CPED1: variants seen among roughly 807,000 people sequenced by gnomAD.
The protein encoded by CPED1 is cadherin like and PC-esterase domain containing 1.
In CPED1, 114 loss-of-function variants were observed where a neutral mutation model predicts 128.2. The observed-to-expected ratio is 0.89, with a 90% CI of 0.76 to 1.04. The LOEUF is 1.04. Ranked by LOEUF, CPED1 falls within the 50% of genes least tolerant of loss-of-function variation. CPED1 has a pLI of 0.00. For synonymous variants in CPED1, 462 were observed against 426.7 expected (o/e 1.08, Z -1.02); for missense variants, 1,211 against 1,207.1 (o/e 1.00, Z -0.05).
chr7:121,172,630 TTGGG>T (rs1796673501), intron 16 of CPED1, among the ~76,000 whole-genome samples: 1 of 149,334 alleles, frequency 6.7e-6, no homozygotes, highest in Non-Finnish European at 1.5e-5. Context: ...GGAGGAATGG[TTGGG>T]TGGGTGGGTG....
chr7:121,231,922 C>T (rs1798150110), intron 16 of CPED1, among the ~76,000 whole-genome samples: 1 of 151,986 alleles, frequency 6.6e-6, no homozygotes, highest in African/African-American at 2.4e-5. Flanking sequence ...AGAATGAATC[C>T]ATACAGACCT....
intron 5 of CPED1, among the ~76,000 whole-genome samples, chr7:121,083,447 T>A (rs1357647400): frequency 6.6e-6 from 1 of 152,204 alleles, no homozygotes; most frequent in Non-Finnish European, 1.5e-5. Flanking sequence ...ATTCACTGAT[T>A]GTGCTGCCAA....
chr7:121,220,519 A>C (rs1797851933), intron 16 of CPED1, among the ~76,000 whole-genome samples: 1 of 152,058 alleles, frequency 6.6e-6, no homozygotes, highest in African/African-American at 2.4e-5. Flanking sequence ...GGCCTCCAGA[A>C]CTGAAAGACA....
chr7:121,018,716 T>C (rs1037157551), intron 3 of CPED1, among the ~76,000 whole-genome samples: 8 of 152,138 alleles, frequency 5.3e-5, no homozygotes, highest in Non-Finnish European at 1.0e-4. Context: ...CTCTAAAATC[T>C]ACTTAGAGTA....
intron 7 of CPED1, among the ~76,000 whole-genome samples, chr7:121,118,280 C>T (rs1043506050): frequency 1.8e-4 from 28 of 151,872 alleles, no homozygotes; most frequent in African/African-American, 6.5e-4. Flanking sequence ...AAAAAGAAAC[C>T]GGCTGGGCGC....
chr7:121,023,083 T>G (rs1370058309), intron 3 of CPED1, among the ~76,000 whole-genome samples: 2 of 152,066 alleles, frequency 1.3e-5, no homozygotes, highest in Non-Finnish European at 2.9e-5. Context: ...CTCAGTAATA[T>G]GTAGTTCAAA....
At chr7:121,210,393 GATTTGAAATC>G (rs1797615977) in intron 16 of CPED1, among the ~76,000 whole-genome samples, 1 of 151,952 alleles carries the variant, frequency 6.6e-6, no homozygotes. Flanking sequence ...CTTTAGCCAG[GATTTGAAATC>G]AACCTAAGTG....
rs542959262 is a variant in CPED1 at position 121,130,300 on chromosome 7, AT to A, written c.1577+7del. 5.9e-5 allele frequency: 94 copies of A among 1,587,398 alleles called. No homozygotes were observed. The African/African-American group carries it at 1.2e-3, about 20-fold the overall frequency. Reference sequence around the variant, plus strand: ...CAGCCACATCCACTGGAATGGTAAGATAGCCACAAATTTGAATTGTACAATC... The same window carrying A: ...CAGCCACATCCACTGGAATGGTAAGAAGCCACAAATTTGAATTGTACAATC... On this transcript the variant is annotated splice_region_variant and intron_variant, in intron 12 of 22. Coordinates refer to ENST00000310396, the MANE Select transcript of CPED1 (RefSeq NM_024913.5).
intron 10 of CPED1, 139 bp downstream of exon 10, chr7:121,127,396 T>C (rs1795530772): frequency 3.9e-6 from 2 of 508,480 alleles, no homozygotes; most frequent in Non-Finnish European, 3.4e-6. Flanking sequence ...TTCTTAATTT[T>C]TTCTGACCTC....
intron 7 of CPED1, among the ~76,000 whole-genome samples, chr7:121,114,842 G>T (rs114587134): frequency 1.9e-3 from 294 of 152,310 alleles, no homozygotes; most frequent in African/African-American, 6.7e-3. Flanking sequence ...TAAAAATAAT[G>T]CACTTTTGTA....
At chr7:121,217,450 A>C (rs73436075) in intron 16 of CPED1, among the ~76,000 whole-genome samples, 1 of 152,056 alleles carries the variant, frequency 6.6e-6, no homozygotes, top group Non-Finnish European at 1.5e-5. Context: ...CTAAGCCAAG[A>C]TATATCCTTG....
intron 12 of CPED1, among the ~76,000 whole-genome samples, chr7:121,131,500 T>G (rs999590446): frequency 1.3e-5 from 2 of 151,872 alleles, no homozygotes; most frequent in African/African-American, 2.4e-5. Context: ...AAGTTTTTTT[T>G]TTTTTTTTTT....
intron 4 of CPED1, chr7:121,051,156 G>A: frequency 1.9e-6 from 1 of 528,082 alleles, no homozygotes; most frequent in Non-Finnish European, 3.8e-6. Context: ...TGAAAACTGA[G>A]GAGAGTCCAG....
intron 4 of CPED1, among the ~76,000 whole-genome samples, chr7:121,053,888 A>G (rs1329702243): frequency 6.6e-6 from 1 of 152,094 alleles, no homozygotes; most frequent in Non-Finnish European, 1.5e-5. Flanking sequence ...TTGTTGCTCA[A>G]ATTGTTCCAG....
intron 17 of CPED1, among the ~76,000 whole-genome samples, chr7:121,242,934 T>C (rs1441177805): frequency 6.6e-6 from 1 of 152,122 alleles, no homozygotes; most frequent in African/African-American, 2.4e-5. Context: ...TATTAATAAC[T>C]ATTTCCACAT....
intron 17 of CPED1, among the ~76,000 whole-genome samples, chr7:121,238,242 T>G (rs893302560): frequency 2.0e-5 from 3 of 152,118 alleles, no homozygotes; most frequent in Non-Finnish European, 2.9e-5. Context: ...TAGGTCTCCT[T>G]AGAGAAGGCC....
At chr7:121,288,171 G>A (rs1017539235) in intron 22 of CPED1, among the ~76,000 whole-genome samples, 3 of 152,252 alleles carry the variant, frequency 2.0e-5, no homozygotes, top group South Asian at 2.1e-4. Context: ...ATTCACAATG[G>A]CAAAGGAATT....
At chr7:121,094,630 T>G (rs1794655513) in intron 5 of CPED1, among the ~76,000 whole-genome samples, 1 of 152,160 alleles carries the variant, frequency 6.6e-6, no homozygotes, top group Admixed American at 6.6e-5. Context: ...GTTCAGAAGA[T>G]TCATGGGATT....
chr7:121,198,507 T>C (rs569570507), intron 16 of CPED1, among the ~76,000 whole-genome samples: 64 of 152,234 alleles, frequency 4.2e-4, no homozygotes, highest in African/African-American at 1.5e-3. Context: ...TGCAGTTTAT[T>C]TGCCATGGGG....
Sources: gnomAD v4.1 joint callset for allele counts (sites outside exome capture counted in the v4.1 genomes callset) on GRCh38, gnomAD v4.1.1 for gene constraint, MANE v1.5 for transcripts, NCBI Gene and HGNC (gene_info 2026-07-23, HGNC 2026-07-21) for gene names.